MGMT: variants seen among roughly 807,000 people sequenced by gnomAD.
The protein encoded by MGMT is methylated-DNA--protein-cysteine methyltransferase.
A neutral mutation model predicts 15.9 loss-of-function variants in MGMT; 14 were observed. The ratio of observed to expected loss-of-function variants is 0.88; its 90% confidence interval spans 0.58 to 1.37. The LOEUF (loss-of-function observed/expected upper bound fraction) is 1.37, where lower values mean the gene tolerates loss of function less well. Among genes scored for constraint, MGMT ranks in the 40% most tolerant of loss-of-function variants. MGMT has a pLI of 0.00. For missense variants in MGMT, 282 were observed against 268.1 expected, an observed-to-expected ratio of 1.05 and a Z score of -0.36; for synonymous variants, 130 against 118.2, an observed-to-expected ratio of 1.10 and a Z score of -0.65.
At chr10:129,544,604 G>T (rs908255350) in intron 2 of MGMT, among the ~76,000 whole-genome samples, 5 of 152,204 alleles carry the variant, frequency 3.3e-5, no homozygotes, top group African/African-American at 1.2e-4. Context: ...CTACCCTGTT[G>T]CGTGGGTGGG....
intron 1 of MGMT, among the ~76,000 whole-genome samples, chr10:129,480,736 A>G (rs1845348789): frequency 6.6e-6 from 1 of 152,218 alleles, no homozygotes; most frequent in African/African-American, 2.4e-5. Context: ...TTAAAAAGAA[A>G]GTTCCCCTTT....
chr10:129,518,048 G>A (rs1375887644), intron 1 of MGMT, among the ~76,000 whole-genome samples: 1 of 152,056 alleles, frequency 6.6e-6, no homozygotes, highest in African/African-American at 2.4e-5. Flanking sequence ...TCTGGGGAGG[G>A]AGCGCTGTCT....
chr10:129,697,025 G>T (rs1474684692), intron 2 of MGMT, among the ~76,000 whole-genome samples: 2 of 152,242 alleles, frequency 1.3e-5, no homozygotes, highest in African/African-American at 4.8e-5. Flanking sequence ...GTGTTTAAAT[G>T]TAAATCTGAC....
intron 2 of MGMT, among the ~76,000 whole-genome samples, chr10:129,571,992 G>A (rs544967469): frequency 7.9e-5 from 12 of 152,268 alleles, no homozygotes; most frequent in South Asian, 4.1e-4. Flanking sequence ...GTGACACTCC[G>A]TGGAAGCATC....
intron 2 of MGMT, among the ~76,000 whole-genome samples, chr10:129,669,108 TATAC>T (rs1847692584): frequency 6.6e-6 from 1 of 152,238 alleles, no homozygotes; most frequent in Non-Finnish European, 1.5e-5. Context: ...CATCTTGGCT[TATAC>T]ATTTCCATAG....
intron 2 of MGMT, among the ~76,000 whole-genome samples, chr10:129,641,695 G>T (rs1847329586): frequency 1.3e-5 from 2 of 152,064 alleles, no homozygotes; most frequent in Admixed American, 1.3e-4. Flanking sequence ...AATTATTTTT[G>T]ATTTTTTGAT....
chr10:129,721,952 G>A (rs929016816), intron 3 of MGMT, among the ~76,000 whole-genome samples: 1 of 151,912 alleles, frequency 6.6e-6, no homozygotes, highest in African/African-American at 2.4e-5. Context: ...AATGTTTTAA[G>A]ATTCAAATAA....
intron 1 of MGMT, among the ~76,000 whole-genome samples, chr10:129,486,925 C>T (rs1265597114): frequency 1.3e-5 from 2 of 152,192 alleles, no homozygotes; most frequent in African/African-American, 4.8e-5. Flanking sequence ...GCAGTCAGGA[C>T]TTTAATCAGT....
intron 3 of MGMT, among the ~76,000 whole-genome samples, chr10:129,737,230 C>G (rs1222668267): frequency 6.6e-6 from 1 of 152,140 alleles, no homozygotes; most frequent in East Asian, 1.9e-4. Flanking sequence ...TCACATAGTC[C>G]CATATTTCTT....
In MGMT at chr10:129,708,023, A is replaced by G; in HGVS notation, c.254A>G (p.His85Arg). ...AIEEFPVPAL[H>R]HPVFQQESFT... is the part of the protein sequence containing the mutation. ...GAAGAGTTCCCCGTGCCGGCTCTTC[A>G]CCATCCCGTTTTCCAGCAAGGTCGG... is the stretch of plus-strand genomic sequence containing the variant. Residue 85 changes from histidine to arginine, a missense_variant, in exon 3 of 5, where the codon CAC becomes CGC. Physicochemically the swap from His to Arg is conservative, Grantham distance 29 (BLOSUM62 0). Coordinates refer to ENST00000651593, the MANE Select transcript of MGMT (RefSeq NM_002412.5). The G allele has an allele frequency of 6.2e-7, 1 of 1,612,810 alleles. No homozygotes were observed. The highest frequency in any genetic ancestry group is 8.5e-7 in the Non-Finnish European group (1 of 1,179,512).
intron 1 of MGMT, among the ~76,000 whole-genome samples, chr10:129,527,354 C>T (rs1845882274): frequency 6.6e-6 from 1 of 152,180 alleles, no homozygotes; most frequent in Admixed American, 6.5e-5. Flanking sequence ...TTGGGTCTTC[C>T]ACGTCGCTGT....
intron 2 of MGMT, among the ~76,000 whole-genome samples, chr10:129,552,867 G>A (rs151131376): frequency 4.6e-5 from 7 of 152,234 alleles, no homozygotes; most frequent in East Asian, 3.9e-4. Flanking sequence ...ACCTTTTAAC[G>A]TTTTTTTCCT....
chr10:129,654,548 G>C (rs532827346), intron 2 of MGMT, among the ~76,000 whole-genome samples: 2 of 152,298 alleles, frequency 1.3e-5, no homozygotes, highest in African/African-American at 2.4e-5. Flanking sequence ...CGAGACACCA[G>C]CCTCAGCGGG....
intron 2 of MGMT, among the ~76,000 whole-genome samples, chr10:129,587,191 C>T (rs1175335189): frequency 1.3e-5 from 2 of 151,866 alleles, no homozygotes; most frequent in Non-Finnish European, 2.9e-5. Context: ...CCATCTGGCT[C>T]ATTTTTTGGG....
intron 2 of MGMT, among the ~76,000 whole-genome samples, chr10:129,578,434 C>T (rs1846512825): frequency 6.8e-6 from 1 of 147,004 alleles, no homozygotes; most frequent in South Asian, 2.2e-4. Flanking sequence ...ATTGCAAGGA[C>T]AAAAAACCAA....
intron 1 of MGMT, among the ~76,000 whole-genome samples, chr10:129,504,488 G>T (rs1845605228): frequency 6.6e-6 from 1 of 152,224 alleles, no homozygotes; most frequent in African/African-American, 2.4e-5. Context: ...TGTGTTGCAG[G>T]ACAGTTGAAA....
chr10:129,618,764 A>G (rs1847057127), intron 2 of MGMT, among the ~76,000 whole-genome samples: 2 of 152,268 alleles, frequency 1.3e-5, no homozygotes, highest in African/African-American at 4.8e-5. Flanking sequence ...TAAAAATGCT[A>G]TATTTTTAGT....
At chr10:129,691,684 G>A (rs1847971759) in intron 2 of MGMT, among the ~76,000 whole-genome samples, 1 of 152,166 alleles carries the variant, frequency 6.6e-6, no homozygotes, top group African/African-American at 2.4e-5. Flanking sequence ...GAGTGTGCCT[G>A]CCACATGGAC....
chr10:129,476,817 T>C (rs1330790071), intron 1 of MGMT, among the ~76,000 whole-genome samples: 1 of 152,146 alleles, frequency 6.6e-6, no homozygotes, highest in African/African-American at 2.4e-5. Flanking sequence ...CTCTTCTATC[T>C]TTAAGACACC....
Sources: gnomAD v4.1 joint callset for allele counts (sites outside exome capture counted in the v4.1 genomes callset) on GRCh38, gnomAD v4.1.1 for gene constraint, MANE v1.5 for transcripts, NCBI Gene and HGNC (gene_info 2026-07-23, HGNC 2026-07-21) for gene names.